The following CCSER1 variants were observed in gnomAD, a reference collection of about 807,000 sequenced individuals.
The protein encoded by CCSER1 is coiled-coil serine rich protein 1.
In CCSER1, 41 loss-of-function variants were observed where a neutral mutation model predicts 82.0. The ratio of observed to expected loss-of-function variants is 0.50; its 90% CI spans 0.39 to 0.65. CCSER1 has a LOEUF of 0.65. Among genes scored for constraint, CCSER1 ranks in the 30% least tolerant of loss-of-function variants. The pLI is 0.00. For missense variants in CCSER1, 1,119 were observed against 1,064.2 expected (o/e 1.05, Z -0.72); for synonymous variants, 414 against 383.9 (o/e 1.08, Z -0.92).
chr4:91,153,790 G>A (rs989411626), intron 10 of CCSER1, among the ~76,000 whole-genome samples: 5 of 152,082 alleles, frequency 3.3e-5, no homozygotes, highest in African/African-American at 1.2e-4. Context: ...GACCCTGTTT[G>A]CCTGGGTATC....
chr4:91,492,268 G>T (rs1758589503), intron 10 of CCSER1, among the ~76,000 whole-genome samples: 1 of 152,004 alleles, frequency 6.6e-6, no homozygotes, highest in African/African-American at 2.4e-5. Context: ...TGACAACATA[G>T]AATGGCTGGA....
rs561921623 is a variant in CCSER1 at position 91,081,721 on chromosome 4, G to C, written c.2173-4229G>C. Among the ~76,000 whole-genome samples, 287 of 152,224 alleles carry C rather than the reference G, an allele frequency of 1.9e-3. 1 individual carries two copies. Among genetic ancestry groups the C allele is most frequent in the Admixed American group, 0.018 (273 of 15,290 alleles). On this transcript the variant is annotated intron_variant, in intron 9 of 10. Coordinates refer to ENST00000509176, the MANE Select transcript of CCSER1 (RefSeq NM_001145065.2). The stretch of plus-strand genomic sequence containing the variant: ...ATAAGCAACTTCAGCAAAGTCTCAG[G>C]ATACAAAATCAATGTGCAAAAATCA...
At chr4:90,734,502 T>C (rs1745330379) in intron 7 of CCSER1, among the ~76,000 whole-genome samples, 1 of 151,244 alleles carries the variant, frequency 6.6e-6, no homozygotes, top group African/African-American at 2.4e-5. Context: ...ATCAGTGTTT[T>C]ATGGTTTTCA....
intron 6 of CCSER1, among the ~76,000 whole-genome samples, chr4:90,717,046 T>A (rs1741763123): frequency 1.3e-5 from 2 of 152,192 alleles, no homozygotes; most frequent in African/African-American, 4.8e-5. Flanking sequence ...AGAAACACGT[T>A]CTTATGACCT....
chr4:91,517,174 T>A (rs1461818086), intron 10 of CCSER1, among the ~76,000 whole-genome samples: 1 of 152,166 alleles, frequency 6.6e-6, no homozygotes, highest in Admixed American at 6.6e-5. Context: ...CTTTTCCTAT[T>A]TGGATGCCTT....
At chr4:90,939,574 C>T (rs920682859) in intron 9 of CCSER1, among the ~76,000 whole-genome samples, 5 of 152,104 alleles carry the variant, frequency 3.3e-5, no homozygotes, top group Admixed American at 3.3e-4. Flanking sequence ...GGTCAGGGTT[C>T]AGGGCAATAG....
chr4:90,248,425 G>C (rs577997135), intron 1 of CCSER1, among the ~76,000 whole-genome samples: 17 of 152,188 alleles, frequency 1.1e-4, no homozygotes, highest in African/African-American at 4.1e-4. Flanking sequence ...GTTTTGCTTT[G>C]CTGGTCCTGT....
intron 10 of CCSER1, among the ~76,000 whole-genome samples, chr4:91,306,794 A>G (rs1342009816): frequency 6.6e-6 from 1 of 152,060 alleles, no homozygotes; most frequent in Non-Finnish European, 1.5e-5. Context: ...CAAATTGACC[A>G]CAGCTATTAA....
chr4:90,709,715 T>C (rs1321598037), intron 6 of CCSER1, among the ~76,000 whole-genome samples: 1 of 152,204 alleles, frequency 6.6e-6, no homozygotes, highest in African/African-American at 2.4e-5. Context: ...TCCATGTCTT[T>C]GCTATTGTGA....
At chr4:90,493,876 G>A (rs562160181) in intron 5 of CCSER1, among the ~76,000 whole-genome samples, 9 of 152,222 alleles carry the variant, frequency 5.9e-5, no homozygotes, top group African/African-American at 1.2e-4. Context: ...AAAATAATCC[G>A]CTAACATCAT....
chr4:91,277,013 A>C (rs1742519598), intron 10 of CCSER1, among the ~76,000 whole-genome samples: 1 of 152,072 alleles, frequency 6.6e-6, no homozygotes, highest in East Asian at 1.9e-4. Context: ...TCACTTGATC[A>C]TGGTGTATTA....
At chr4:90,474,325 T>C (rs1764786705) in intron 5 of CCSER1, among the ~76,000 whole-genome samples, 1 of 152,132 alleles carries the variant, frequency 6.6e-6, no homozygotes, top group Non-Finnish European at 1.5e-5. Context: ...AAATAGCTTC[T>C]TAAAGTGTTC....
rs183833307 is a variant in CCSER1, at chr4:91,516,141, T to C, written c.2218-82431T>C. Among the ~76,000 whole-genome samples, 9 of 152,292 alleles carry C rather than the reference T, an allele frequency of 5.9e-5. No homozygotes were observed. The East Asian group carries it at 1.7e-3, about 29-fold the overall frequency. On this transcript the variant is annotated intron_variant, in intron 10 of 10. Transcript: ENST00000509176. ...TTAGAAGCATAGTTTGTAAATATTT[T>C]TTCCCTTTCTGTAAGTTGTCTGTTT...
intron 6 of CCSER1, among the ~76,000 whole-genome samples, chr4:90,715,563 A>G (rs1741488383): frequency 1.3e-5 from 2 of 152,042 alleles, no homozygotes; most frequent in African/African-American, 2.4e-5. Flanking sequence ...GGGATATTAT[A>G]TCTCCCAGCT....
At chr4:90,682,891 A>G (rs1734152006) in intron 6 of CCSER1, 1 of 152,090 alleles carries the variant, frequency 6.6e-6, no homozygotes, top group Non-Finnish European at 1.5e-5. Context: ...ATGTTTTTAC[A>G]TTGACAGAAA....
chr4:90,727,869 G>T (rs17017465), intron 7 of CCSER1, among the ~76,000 whole-genome samples: 33,296 of 151,812 alleles, frequency 0.22, 4,493 homozygotes, highest in African/African-American at 0.38. Context: ...AATATTTTTT[G>T]ATTAGATATG....
intron 10 of CCSER1, among the ~76,000 whole-genome samples, chr4:91,351,369 T>C (rs1748459814): frequency 6.6e-6 from 1 of 152,060 alleles, no homozygotes; most frequent in South Asian, 2.1e-4. Context: ...AATTTCTTAA[T>C]ATTTATTGAT....
intron 10 of CCSER1, among the ~76,000 whole-genome samples, chr4:91,188,603 C>A (rs763958631): frequency 1.7e-4 from 26 of 151,986 alleles, no homozygotes; most frequent in Non-Finnish European, 3.1e-4. Context: ...ATTTAGTGTA[C>A]CCTGGAACTT....
chr4:90,382,691 C>T (rs946395590), intron 3 of CCSER1, among the ~76,000 whole-genome samples: 2 of 152,214 alleles, frequency 1.3e-5, no homozygotes, highest in Admixed American at 1.3e-4. Flanking sequence ...TTGCATTTCT[C>T]TGTACCTTAA....
Sources: gnomAD v4.1 joint callset for allele counts (sites outside exome capture counted in the v4.1 genomes callset) on GRCh38, gnomAD v4.1.1 for gene constraint, MANE v1.5 for transcripts, NCBI Gene and HGNC (gene_info 2026-07-23, HGNC 2026-07-21) for gene names.